The following LUZP1 variants were observed in gnomAD, a reference collection of about 807,000 sequenced individuals.
The protein encoded by LUZP1 is leucine zipper protein 1.
Under a neutral mutation model 71.3 loss-of-function variants are expected in LUZP1, and 25 were observed. The observed-to-expected ratio is 0.35, with a 90% CI of 0.26 to 0.49. LUZP1 has a LOEUF of 0.49. LUZP1 is among the 20% of genes least tolerant of loss of function. The pLI, the probability that LUZP1 is intolerant of heterozygous loss-of-function variation, is 0.99. For missense variants in LUZP1, 1,142 were observed against 1,300.8 expected, an observed-to-expected ratio of 0.88 and a Z score of 1.88; for synonymous variants, 481 against 506.4, an observed-to-expected ratio of 0.95 and a Z score of 0.67.
At chr1:23,127,661 C>T (rs941435644) in intron 2 of LUZP1, among the ~76,000 whole-genome samples, 10 of 152,064 alleles carry the variant, frequency 6.6e-5, no homozygotes, top group Non-Finnish European at 1.5e-4. Flanking sequence ...GTAGCTGGGA[C>T]TACAAGCGCC....
intron 2 of LUZP1, among the ~76,000 whole-genome samples, chr1:23,147,099 AAATAAT>A (rs371398665): frequency 7.6e-5 from 11 of 144,504 alleles, no homozygotes; most frequent in Admixed American, 2.8e-4. Flanking sequence ...TCCGTCTCAA[AAATAAT>A]AATAATAATA....
At chr1:23,085,394 T>A (rs1161974830) in exon 5 of LUZP1, 1 of 152,582 alleles carries the variant, frequency 6.6e-6, no homozygotes, top group Admixed American at 6.5e-5. Flanking sequence ...AGGGCCCCTT[T>A]CCTATGATCC....
chr1:23,145,147 C>T (rs1281605619), intron 2 of LUZP1, among the ~76,000 whole-genome samples: 5 of 152,240 alleles, frequency 3.3e-5, no homozygotes, highest in Non-Finnish European at 7.3e-5. Context: ...AAGGGATCCT[C>T]CTGCCTCAGC....
intron 2 of LUZP1, among the ~76,000 whole-genome samples, chr1:23,146,413 G>A (rs989058577): frequency 3.3e-5 from 5 of 152,174 alleles, no homozygotes; most frequent in Admixed American, 6.5e-5. Flanking sequence ...GTCACATGAC[G>A]TCACTTAATA....
At chr1:23,150,189 G>C (rs111273348) in intron 2 of LUZP1, among the ~76,000 whole-genome samples, 1 of 152,014 alleles carries the variant, frequency 6.6e-6, no homozygotes, top group Admixed American at 6.6e-5. Flanking sequence ...GAAGAAAACT[G>C]ATCCATGTGG....
chr1:23,158,008 T>C lies in LUZP1; in HGVS notation c.-226+10758A>G, dbSNP rs535287200. On this transcript the variant is annotated intron_variant, in intron 2 of 4. Transcript: ENST00000302291. ...GCCTGGGCAACAGAATGAGAACCTG[T>C]CTCTTTAAAAAAAAAGGCAGTCATA... Among the ~76,000 whole-genome samples, 7 of 151,776 alleles carry C rather than the reference T, an allele frequency of 4.6e-5. No individual in the cohort carries two copies. In the South Asian group the frequency reaches 1.5e-3, roughly 32 times the overall value.
intron 2 of LUZP1, among the ~76,000 whole-genome samples, chr1:23,115,665 C>T (rs980213410): frequency 1.8e-4 from 27 of 152,184 alleles, no homozygotes; most frequent in African/African-American, 6.3e-4. Flanking sequence ...CTCAGCCTCC[C>T]GAGTAGCTGG....
At chr1:23,160,842 T>C (rs1644459160) in intron 2 of LUZP1, among the ~76,000 whole-genome samples, 1 of 152,198 alleles carries the variant, frequency 6.6e-6, no homozygotes, top group South Asian at 2.1e-4. Context: ...AGCTACAAGA[T>C]TTCTGAGAAA....
At chr1:23,144,555 G>C (rs768048141) in intron 2 of LUZP1, among the ~76,000 whole-genome samples, 1 of 152,122 alleles carries the variant, frequency 6.6e-6, no homozygotes, top group South Asian at 2.1e-4. Context: ...CACATAAAAA[G>C]GTAAGCTGTC....
intron 2 of LUZP1, among the ~76,000 whole-genome samples, chr1:23,155,175 C>A (rs1007676491): frequency 2.6e-5 from 4 of 152,154 alleles, no homozygotes; most frequent in Non-Finnish European, 5.9e-5. Flanking sequence ...TGTTTACACA[C>A]CCTAACTACA....
chr1:23,090,406 T>C (rs564376616), intron 4 of LUZP1: 60 of 159,776 alleles, frequency 3.8e-4, no homozygotes, highest in Non-Finnish European at 5.8e-4. Context: ...CATCTGCTTT[T>C]TTAAAGAAGG....
At chr1:23,088,818 T>G in exon 5 of LUZP1, 1 of 1,547,042 alleles carries the variant, frequency 6.5e-7, no homozygotes, top group Non-Finnish European at 8.8e-7. Flanking sequence ...TTAACTGGCC[T>G]TGGATCCTTC....
At chr1:23,083,867 G>A (rs1361908890), downstream of LUZP1, among the ~76,000 whole-genome samples, 1 of 152,142 alleles carries the variant, frequency 6.6e-6, no homozygotes, top group African/African-American at 2.4e-5. Flanking sequence ...GATAAGGTAG[G>A]GGGGCCGGTC....
At chr1:23,098,998 C>T (rs985913566) in intron 3 of LUZP1, among the ~76,000 whole-genome samples, 3 of 152,200 alleles carry the variant, frequency 2.0e-5, no homozygotes, top group African/African-American at 7.2e-5. Context: ...CTGCCCACCC[C>T]GAATACTGCT....
rs557312473 is a variant in LUZP1, at chr1:23,161,632, C to T, written c.-226+7134G>A. On this transcript the variant is annotated intron_variant, in intron 2 of 4. Coordinates refer to ENST00000302291, the Ensembl canonical transcript of LUZP1. ...GAATAAAAATAAGAAGTTAGCGTAA[C>T]AGAGGCATAATGGGCAATGAGATTG... Among the ~76,000 whole-genome samples the T allele has an allele frequency of 1.1e-4, 16 of 152,266 alleles. No individual in the cohort carries two copies. In the South Asian group the frequency reaches 3.3e-3, roughly 32 times the overall value.
At chr1:23,092,464 G>C (rs759151843) in exon 4 of LUZP1, 1 of 1,614,182 alleles carries the variant, frequency 6.2e-7, no homozygotes, top group South Asian at 1.1e-5. Flanking sequence ...GATAGAACAG[G>C]AGCCTTGGAA....
chr1:23,165,160 C>G (rs1354742698), intron 2 of LUZP1, among the ~76,000 whole-genome samples: 1 of 152,152 alleles, frequency 6.6e-6, no homozygotes, highest in African/African-American at 2.4e-5. Context: ...TCTGATCTCA[C>G]AGTATTGAAT....
At chr1:23,147,943 G>T (rs1367914680) in intron 2 of LUZP1, among the ~76,000 whole-genome samples, 1 of 152,148 alleles carries the variant, frequency 6.6e-6, no homozygotes, top group East Asian at 1.9e-4. Flanking sequence ...AGAAATACAA[G>T]AATACAATAG....
At chr1:23,136,289 G>A (rs939309262) in intron 2 of LUZP1, among the ~76,000 whole-genome samples, 15 of 108,038 alleles carry the variant, frequency 1.4e-4, no homozygotes, top group African/African-American at 4.6e-4. Context: ...GGCAGATTCC[G>A]TCTTAAACAC....
Sources: allele counts gnomAD v4.1 joint callset (sites outside exome capture counted in the v4.1 genomes callset), GRCh38; gene constraint gnomAD v4.1.1; transcripts MANE v1.5; gene names NCBI Gene and HGNC (gene_info 2026-07-23, HGNC 2026-07-21).